ZFAND6: variants seen among roughly 807,000 people sequenced by gnomAD.
ZFAND6 encodes zinc finger AN1-type containing 6.
A neutral mutation model predicts 24.5 loss-of-function variants in ZFAND6; 12 were observed. The observed-to-expected ratio is 0.49, with a 90% CI of 0.31 to 0.79. The LOEUF is 0.79. ZFAND6 is among the 30% of genes least tolerant of loss of function. The probability of loss-of-function intolerance (pLI) is 0.04; values close to 1 mark genes in which losing one functional copy is unlikely to be tolerated. For synonymous variants in ZFAND6, 92 were observed against 81.5 expected (o/e 1.13, Z -0.69); for missense variants, 207 against 245.9 (o/e 0.84, Z 1.06).
At chr15:80,104,226 A>G (rs1415638281) in intron 2 of ZFAND6, among the ~76,000 whole-genome samples, 2 of 152,166 alleles carry the variant, frequency 1.3e-5, no homozygotes, top group South Asian at 2.1e-4. Flanking sequence ...TTATATTAGA[A>G]CTAAATAGCC....
intron 1 of ZFAND6, chr15:80,073,146 T>A (rs2037071061): frequency 5.9e-6 from 1 of 170,788 alleles, no homozygotes; most frequent in African/African-American, 2.4e-5. Context: ...AATTTAACAA[T>A]ATGTTGACAT....
intron 5 of ZFAND6, among the ~76,000 whole-genome samples, chr15:80,126,799 A>G (rs908133234): frequency 1.3e-5 from 2 of 152,228 alleles, no homozygotes; most frequent in African/African-American, 4.8e-5. Flanking sequence ...CTACATCAAA[A>G]TAAAGATTTT....
Position 80,121,785 on chromosome 15 carries a change from A to C in ZFAND6, c.228A>C (p.Ser76=). 6.2e-7 allele frequency: 1 copy of C among 1,613,902 alleles called. No homozygotes were observed. The highest frequency in any genetic ancestry group is 1.1e-5 in the South Asian group (1 of 91,070). ...ATGGCAGTGTGCCAGAAGCCCAGTC[A>C]GCATTAGACTCTACATCTTCATCTA... is the stretch of plus-strand genomic sequence containing the variant. ...CTDGSVPEAQ[S]ALDSTSSSMQ... The change falls in exon 4 of 7, where the codon TCA becomes TCC. Residue 76 remains serine, a synonymous_variant. Coordinates refer to ENST00000261749, the MANE Select transcript of ZFAND6 (RefSeq NM_019006.4).
chr15:80,060,953 G>A (rs570442275), intron 1 of ZFAND6, among the ~76,000 whole-genome samples: 5 of 152,274 alleles, frequency 3.3e-5, no homozygotes, highest in South Asian at 2.1e-4. Flanking sequence ...TGATTTTGAA[G>A]CTCCGAGAAA....
chr15:80,100,869 T>C (rs918398507), intron 2 of ZFAND6, among the ~76,000 whole-genome samples: 2 of 152,216 alleles, frequency 1.3e-5, no homozygotes, highest in African/African-American at 4.8e-5. Flanking sequence ...CTAACATCTC[T>C]GTGATACTGA....
At chr15:80,074,936 A>G (rs917625668) in intron 1 of ZFAND6, among the ~76,000 whole-genome samples, 1 of 152,166 alleles carries the variant, frequency 6.6e-6, no homozygotes, top group South Asian at 2.1e-4. Flanking sequence ...AGGCTGGGCT[A>G]TAACTCATTG....
intron 1 of ZFAND6, among the ~76,000 whole-genome samples, chr15:80,079,947 G>T (rs1293885621): frequency 6.6e-6 from 1 of 151,536 alleles, no homozygotes; most frequent in Non-Finnish European, 1.5e-5. Context: ...ACCACGCCTG[G>T]CCCTTAGCTT....
intron 6 of ZFAND6, among the ~76,000 whole-genome samples, chr15:80,136,863 A>T (rs2040888587): frequency 6.6e-6 from 1 of 152,208 alleles, no homozygotes; most frequent in South Asian, 2.1e-4. Context: ...TCAGAATTAA[A>T]TTCCTTCCTC....
At chr15:80,125,123 G>A (rs2040321071) in intron 5 of ZFAND6, among the ~76,000 whole-genome samples, 1 of 152,078 alleles carries the variant, frequency 6.6e-6, no homozygotes, top group African/African-American at 2.4e-5. Context: ...CAGTCATATG[G>A]TCATAAAAGC....
At chr15:80,108,480 G>A (rs542366004) in intron 2 of ZFAND6, among the ~76,000 whole-genome samples, 1 of 152,252 alleles carries the variant, frequency 6.6e-6, no homozygotes, top group Non-Finnish European at 1.5e-5. Context: ...AAATTTGAAC[G>A]GGTTCCTCTT....
intron 5 of ZFAND6, among the ~76,000 whole-genome samples, chr15:80,123,411 A>G (rs1225011845): frequency 1.3e-5 from 2 of 152,180 alleles, no homozygotes; most frequent in Non-Finnish European, 2.9e-5. Flanking sequence ...CTATTAAATA[A>G]TCTCTGCTTA....
intron 2 of ZFAND6, among the ~76,000 whole-genome samples, chr15:80,099,039 T>C (rs1011384996): frequency 8.6e-5 from 13 of 152,046 alleles, no homozygotes; most frequent in African/African-American, 3.1e-4. Context: ...TAAAAGCTAA[T>C]ATTTTAAAAA....
intron 5 of ZFAND6, among the ~76,000 whole-genome samples, chr15:80,127,473 A>C (rs1176556279): frequency 6.6e-6 from 1 of 151,784 alleles, no homozygotes; most frequent in African/African-American, 2.4e-5. Flanking sequence ...CTGTAGTCTC[A>C]GATACTCGTG....
intron 1 of ZFAND6, among the ~76,000 whole-genome samples, chr15:80,087,018 AT>A (rs2038047025): frequency 6.6e-6 from 1 of 152,240 alleles, no homozygotes; most frequent in South Asian, 2.1e-4. Context: ...AGGTGGAATA[AT>A]ACTCTCTATA....
chr15:80,111,962 A>G (rs1242688397), intron 2 of ZFAND6, among the ~76,000 whole-genome samples: 1 of 152,168 alleles, frequency 6.6e-6, no homozygotes, highest in Non-Finnish European at 1.5e-5. Context: ...AGAAATCTGG[A>G]AAAAACTGCT....
rs1414529432 is a variant in ZFAND6, at chr15:80,120,326, A to T, written c.-17-2A>T. On this transcript the variant is annotated splice_acceptor_variant, in intron 2 of 6. Transcript: ENST00000261749. LOFTEE classifies it low-confidence loss of function (5UTR_SPLICE). ...TCTTTGCTAATTTTATGTAATTTTC[A>T]GGTGTGCAACTGAGGAACATGGCTC... The T allele has an allele frequency of 6.6e-7, 1 of 1,521,400 alleles. No individual in the cohort carries two copies. Among genetic ancestry groups the T allele is most frequent in the African/African-American group, 1.4e-5 (1 of 71,932 alleles). 94.2% of individuals were successfully genotyped at this position (1,521,400 alleles called of 1,614,324 possible).
intron 1 of ZFAND6, among the ~76,000 whole-genome samples, chr15:80,085,062 G>A (rs573434563): frequency 2.0e-5 from 3 of 152,270 alleles, no homozygotes; most frequent in East Asian, 1.9e-4. Flanking sequence ...TTCAAAGGAC[G>A]CCACTTTCCT....
chr15:80,106,518 C>G (rs2039333270), intron 2 of ZFAND6, among the ~76,000 whole-genome samples: 1 of 151,862 alleles, frequency 6.6e-6, no homozygotes. Flanking sequence ...AATTTGCCAG[C>G]CCTAATCTAG....
chr15:80,110,546 G>A (rs78326421), intron 2 of ZFAND6, among the ~76,000 whole-genome samples: 1 of 151,858 alleles, frequency 6.6e-6, no homozygotes, highest in Non-Finnish European at 1.5e-5. Flanking sequence ...AAATTTATGT[G>A]GAAATGCAAA....
Sources: allele counts gnomAD v4.1 joint callset (sites outside exome capture counted in the v4.1 genomes callset), GRCh38; gene constraint gnomAD v4.1.1; transcripts MANE v1.5; gene names NCBI Gene and HGNC (gene_info 2026-07-23, HGNC 2026-07-21).